KIF1A: variants seen among roughly 807,000 people sequenced by gnomAD.
KIF1A encodes the protein kinesin family member 1A, also known as kinesin-like protein KIF1A.
Under a neutral mutation model 227.3 loss-of-function variants are expected in KIF1A, and 46 were observed. The observed-to-expected ratio is 0.20, with a 90% CI of 0.16 to 0.26. The LOEUF (loss-of-function observed/expected upper bound fraction) is 0.26. Among genes scored for constraint, KIF1A ranks in the 10% least tolerant of loss-of-function variants. KIF1A has a pLI of 1.00. For missense variants in KIF1A, 1,683 were observed against 2,485.9 expected (o/e 0.68, Z 6.87); for synonymous variants, 1,022 against 1,012.8 (o/e 1.01, Z -0.17).
intron 34 of KIF1A, among the ~76,000 whole-genome samples, chr2:240,742,320 G>A (rs893320037): frequency 6.6e-5 from 10 of 152,146 alleles, no homozygotes; most frequent in Non-Finnish European, 1.3e-4. Context: ...CCCTCCTTCA[G>A]GAGGGTTTCT....
chr2:240,726,775 G>A lies in KIF1A; in HGVS notation c.4122+51C>T. ...TGTCCAGAGCTTACAAGAACCTCAA[G>A]CTTCAGGGGCTGAGTGGTTTTGGTG... On this transcript the variant is annotated intron_variant, in intron 39 of 48. Transcript: ENST00000498729. This position sits in a 1 kb window ranked among gnomAD's most constrained non-coding sequence, Gnocchi z 5.2. 1 of 1,131,590 alleles carries A rather than the reference G, an allele frequency of 8.8e-7. No homozygotes were observed. The highest frequency in any genetic ancestry group is 1.3e-6 in the Non-Finnish European group (1 of 758,576). The allele number at this position is 1,131,590 out of a possible 1,614,324, so 70.1% of individuals were successfully genotyped here.
chr2:240,763,507 G>A (rs2050781368), intron 20 of KIF1A, among the ~76,000 whole-genome samples, 161 bp from the exon 21 acceptor site: 1 of 152,208 alleles, frequency 6.6e-6, no homozygotes, highest in South Asian at 2.1e-4. Context: ...ACCTGAATGT[G>A]TCTCCTCACT....
At chr2:240,786,711 C>A (rs1390411756) in intron 5 of KIF1A, among the ~76,000 whole-genome samples, 198 bp from the exon 6 acceptor site, 14 of 134,976 alleles carry the variant, frequency 1.0e-4, no homozygotes, top group Non-Finnish European at 1.1e-4. Context: ...AGCATCAGGA[C>A]CCCTGAGTGA....
At chr2:240,729,765 G>A (rs1329425249) in intron 38 of KIF1A, among the ~76,000 whole-genome samples, 1 of 152,268 alleles carries the variant, frequency 6.6e-6, no homozygotes, top group Non-Finnish European at 1.5e-5. Context: ...GACTGTGGTG[G>A]AGTCTCACCT....
At chr2:240,760,865 A>T (rs1453856476) in intron 24 of KIF1A, 22 bp from the exon 25 acceptor site, 16 of 1,600,078 alleles carry the variant, frequency 1.0e-5, no homozygotes, top group Non-Finnish European at 1.4e-5. Flanking sequence ...GAAGATGACC[A>T]CTCGTCAGCT....
At chr2:240,786,744 G>GGTAGGGGCCACCATCAGGA (rs1406812678) in intron 5 of KIF1A, among the ~76,000 whole-genome samples, 1 of 52,782 alleles carries the variant, frequency 1.9e-5, no homozygotes, top group African/African-American at 8.2e-5. Flanking sequence ...TGCCTGCTGG[G>GGTAGGGGCCACCATCAGGA]CCCCTGAGTG....
chr2:240,805,495 T>C (rs1354757870), intron 1 of KIF1A, among the ~76,000 whole-genome samples: 2 of 152,010 alleles, frequency 1.3e-5, no homozygotes, highest in East Asian at 3.9e-4. Flanking sequence ...GGCGAAAATA[T>C]AAAACCAAAG....
chr2:240,721,669 G>A lies in KIF1A; in HGVS notation c.4743+138C>T, dbSNP rs2045402767. 4 of 719,690 alleles carry A rather than the reference G, an allele frequency of 5.6e-6. 1 individual carries two copies. Among genetic ancestry groups the A allele is most frequent in the Non-Finnish European group, 9.5e-6 (4 of 419,982 alleles). 44.6% of individuals were successfully genotyped at this position (719,690 alleles called of 1,614,324 possible). A position where few individuals can be genotyped will look rare whatever the true frequency, so the allele number is the denominator to read the frequency against. On this transcript the variant is annotated intron_variant, in intron 44 of 48. Transcript: ENST00000498729. ...GAAACCAGCCACTTAGGTATGAGGT[G>A]TCCCTCTGCACTGAGACGTGTTCCT...
chr2:240,758,612 G>T lies in KIF1A; in HGVS notation c.2445-115C>A. The T allele has an allele frequency of 9.0e-7, 1 of 1,116,390 alleles. No homozygotes were observed. The highest frequency in any genetic ancestry group is 1.2e-6 in the Non-Finnish European group (1 of 836,760). 69.2% of individuals were successfully genotyped at this position (1,116,390 alleles called of 1,614,324 possible). A position where few individuals can be genotyped will look rare whatever the true frequency, so the allele number is the denominator to read the frequency against. On this transcript the variant is annotated intron_variant, in intron 25 of 48. Transcript: ENST00000498729. This position sits in a 1 kb window ranked among gnomAD's most constrained non-coding sequence, Gnocchi z 5.2. ...AGCCTAGCTCTGGCCACCACATCCAGCTCAGGGTCATCAAGGTCCAGGGGG... is the reference window on the plus strand; with the variant it reads ...AGCCTAGCTCTGGCCACCACATCCATCTCAGGGTCATCAAGGTCCAGGGGG...
In KIF1A at chr2:240,787,243, A is replaced by G. The variant is rs776547477; in HGVS notation, c.429+8T>C. 2.0e-5 allele frequency: 33 copies of G among 1,609,924 alleles called. No individual in the cohort carries two copies. The highest frequency in any genetic ancestry group is 2.6e-5 in the Non-Finnish European group (31 of 1,177,354). ...CCCCAGCGGCCAACGGCAGGCGGGGAGCCCTACCTCCACGGAGTAGGACAT... is the reference window on the plus strand; with the variant it reads ...CCCCAGCGGCCAACGGCAGGCGGGGGGCCCTACCTCCACGGAGTAGGACAT... On this transcript the variant is annotated splice_region_variant and intron_variant, in intron 5 of 48. Coordinates refer to ENST00000498729, the MANE Select transcript of KIF1A (RefSeq NM_001244008.2).
At chr2:240,768,201 G>A (rs922473116) in intron 17 of KIF1A, among the ~76,000 whole-genome samples, 2 of 152,208 alleles carry the variant, frequency 1.3e-5, no homozygotes, top group Non-Finnish European at 2.9e-5. Flanking sequence ...TGCACCCCTG[G>A]AGTTCCACCC....
Position 240,792,267 on chromosome 2 carries a change from T to A in KIF1A, c.107-2955A>T, listed in dbSNP as rs888236722. On this transcript the variant is annotated intron_variant, in intron 2 of 48. Coordinates refer to ENST00000498729, the MANE Select transcript of KIF1A (RefSeq NM_001244008.2). This position sits in a 1 kb window ranked among gnomAD's most constrained non-coding sequence, Gnocchi z 4.5. ...CGATTCTGCTGGAGAAAGGGCTTTT[T>A]TTGCCAGGGTCTGGAATTTTTTCCT... Among the ~76,000 whole-genome samples, 10 of 152,078 alleles carry A rather than the reference T, an allele frequency of 6.6e-5. No individual in the cohort carries two copies. Among genetic ancestry groups the A allele is most frequent in the African/African-American group, 1.7e-4 (7 of 41,404 alleles).
intron 8 of KIF1A, 150 bp from the exon 9 acceptor site, chr2:240,783,259 C>T: frequency 1.4e-6 from 1 of 710,834 alleles, no homozygotes; most frequent in Non-Finnish European, 2.5e-6. Context: ...GTGGGGTGCC[C>T]TGGCAGAAAG....
intron 38 of KIF1A, among the ~76,000 whole-genome samples, chr2:240,731,045 CAGCTGGGAAGGCTGATGT>C (rs1324457423): frequency 6.6e-6 from 1 of 152,230 alleles, no homozygotes; most frequent in Non-Finnish European, 1.5e-5. Context: ...GGGAAATGTA[CAGCTGGGAAGGCTGATGT>C]TGCCCTTTAA....
At chr2:240,772,070 T>C (rs2052079210) in intron 14 of KIF1A, among the ~76,000 whole-genome samples, 1 of 152,188 alleles carries the variant, frequency 6.6e-6, no homozygotes, top group Non-Finnish European at 1.5e-5. Context: ...GTATCCGCTG[T>C]GAAAGCTGAG....
At chr2:240,735,144 G>A (rs1292815570) in intron 38 of KIF1A, among the ~76,000 whole-genome samples, 1 of 152,186 alleles carries the variant, frequency 6.6e-6, no homozygotes, top group Non-Finnish European at 1.5e-5. Flanking sequence ...AGGGCTAGGG[G>A]TGGGAGCTGC....
In KIF1A at chr2:240,758,499, TGCAGGG is replaced by T; in HGVS notation, c.2445-8_2445-3del. On this transcript the variant is annotated splice_polypyrimidine_tract_variant and splice_region_variant and intron_variant, in intron 25 of 48. Coordinates refer to ENST00000498729, the MANE Select transcript of KIF1A (RefSeq NM_001244008.2). This position sits in a 1 kb window ranked among gnomAD's most constrained non-coding sequence, Gnocchi z 5.2. ...TCCCGCATCAGGTCCAGACGCTGCC[TGCAGGG>T]ACGGCAGGGGTCAATGTGGACCCAG... 6 of 1,574,758 alleles carry T rather than the reference TGCAGGG, an allele frequency of 3.8e-6. No homozygotes were observed. The highest frequency in any genetic ancestry group is 3.4e-4 in the Middle Eastern group (2 of 5,916).
intron 9 of KIF1A, 80 bp from the exon 10 acceptor site, chr2:240,782,687 C>A (rs981880168): frequency 1.4e-6 from 2 of 1,423,650 alleles, no homozygotes; most frequent in Non-Finnish European, 1.9e-6. Flanking sequence ...GCAGGCGGCC[C>A]GGCTGCCTCG....
At chr2:240,763,838 G>A (rs1052255206) in intron 20 of KIF1A, among the ~76,000 whole-genome samples, 13 of 152,154 alleles carry the variant, frequency 8.5e-5, no homozygotes, top group South Asian at 2.1e-4. Context: ...CCCAGGGCTG[G>A]GGTCCAGGGT....
Sources: allele counts gnomAD v4.1 joint callset (sites outside exome capture counted in the v4.1 genomes callset), GRCh38; gene constraint gnomAD v4.1.1; non-coding constraint Gnocchi (gnomAD v3.1); transcripts MANE v1.5; gene names NCBI Gene and HGNC (gene_info 2026-07-23, HGNC 2026-07-21).